The following PRRC2B variants were observed in gnomAD, a reference collection of about 807,000 sequenced individuals.
PRRC2B encodes protein PRRC2B.
PRRC2B carries 68 observed loss-of-function variants against 242.3 expected under a neutral mutation model. The observed-to-expected ratio is 0.28, with a 90% CI of 0.23 to 0.34. The LOEUF is 0.34. Ranked by LOEUF, PRRC2B falls within the 10% of genes least tolerant of loss-of-function variation. PRRC2B has a pLI of 1.00. For missense variants in PRRC2B, 2,835 were observed against 2,954.8 expected (o/e 0.96, Z 0.94); for synonymous variants, 1,228 against 1,173.6 (o/e 1.05, Z -0.95).
chr9:131,456,445 C>A (rs1266819812), intron 10 of PRRC2B, among the ~76,000 whole-genome samples: 1 of 151,768 alleles, frequency 6.6e-6, no homozygotes, highest in Non-Finnish European at 1.5e-5. Context: ...TCCTGGCTAA[C>A]ACAGTGAAAC....
chr9:131,388,840 CTTT>C (rs1315362492), intron 1 of PRRC2B, among the ~76,000 whole-genome samples: 1 of 121,120 alleles, frequency 8.3e-6, no homozygotes. Context: ...CTCCTTTTAC[CTTT>C]TTTTTTTTTT....
In PRRC2B at chr9:131,398,996, T is replaced by C. The variant is rs1837145038; in HGVS notation, c.-52+4733T>C. Among the ~76,000 whole-genome samples the C allele has an allele frequency of 2.7e-5, 4 of 149,684 alleles. No individual in the cohort carries two copies. The South Asian group carries it at 8.5e-4, about 32-fold the overall frequency. ...CTGTCTCAAAAGAATAAAAAGTAGG[T>C]CGGGCACGGTGGCTCACGCCTGTAA... On this transcript the variant is annotated intron_variant, in intron 1 of 31. Coordinates refer to ENST00000683519, the MANE Select transcript of PRRC2B (RefSeq NM_013318.4).
upstream of PRRC2B, among the ~76,000 whole-genome samples, chr9:131,393,126 G>A (rs1836933077): frequency 6.6e-6 from 1 of 152,056 alleles, no homozygotes; most frequent in South Asian, 2.1e-4. Flanking sequence ...GTGGCCTGGG[G>A]CACATTCTCT....
At position 131,459,259 on chromosome 9, in the gene PRRC2B, C is replaced by T. The variant is rs1943172415; in HGVS notation, c.1307C>T (p.Ala436Val). ...ACTCGAGAGGAAGGGAAGGACTGGG[C>T]TGAAGCAGTGGGTGCGTCCCGTGTG... The part of the protein sequence containing the change: ...KRTREEGKDW[A>V]EAVGASRVVR... Residue 436 changes from alanine to valine, a missense_variant, in exon 11 of 32, where the codon GCT becomes GTT. Ala to Val is a moderately conservative substitution (Grantham distance 64). Coordinates refer to ENST00000683519, the MANE Select transcript of PRRC2B (RefSeq NM_013318.4). The T allele has an allele frequency of 6.2e-7, 1 of 1,613,894 alleles. No homozygotes were observed. Among genetic ancestry groups the T allele is most frequent in the South Asian group, 1.1e-5 (1 of 91,084 alleles).
In PRRC2B at chr9:131,486,136, C is replaced by A. The variant is rs567562537; in HGVS notation, c.5810C>A (p.Pro1937His). Residue 1937 changes from proline to histidine, a missense_variant, in exon 26 of 32, where the codon CCC becomes CAC. By Grantham distance (77) the Pro-to-His change is moderately conservative (BLOSUM62 -2). This residue lies in a region of PRRC2B where 574 missense variants were observed against 626.0 expected (regional missense o/e 0.92). Coordinates refer to ENST00000683519, the MANE Select transcript of PRRC2B (RefSeq NM_013318.4). ...YLDGHVFASQ[P>H]RLVPQTIPQQ... is the part of the protein sequence containing the mutation. ...GATGGCCATGTGTTTGCAAGTCAGC[C>A]CCGGCTGGTTCCTCAAACGATACCT... 2 of 1,613,186 alleles carry A rather than the reference C, an allele frequency of 1.2e-6. No homozygotes were observed. The highest frequency in any genetic ancestry group is 1.7e-6 in the Non-Finnish European group (2 of 1,179,556).
rs546836248 is a variant in PRRC2B, at chr9:131,430,356, G to A, written c.115+97G>A. 602 of 679,092 alleles carry A rather than the reference G, an allele frequency of 8.9e-4. 3 individuals are homozygous for A. Among genetic ancestry groups the A allele is most frequent in the Middle Eastern group, 1.4e-3 (5 of 3,530 alleles). 42.1% of individuals were successfully genotyped at this position (679,092 alleles called of 1,614,324 possible). A position where few individuals can be genotyped will look rare whatever the true frequency, so the allele number is the denominator to read the frequency against. On this transcript the variant is annotated intron_variant, in intron 2 of 31. Transcript: ENST00000683519. ...TCACCTGGTTAGACAGATGTGGTCC[G>A]TGCACACCAGGCTTCTGGGTGTGCA...
intron 1 of PRRC2B, among the ~76,000 whole-genome samples, chr9:131,402,068 C>T (rs1249107986): frequency 6.6e-6 from 1 of 151,238 alleles, no homozygotes; most frequent in East Asian, 1.9e-4. Flanking sequence ...CTCCCGGGTT[C>T]AAGCGATTCT....
intron 14 of PRRC2B, among the ~76,000 whole-genome samples, chr9:131,472,617 C>T (rs1328545656): frequency 6.6e-6 from 1 of 151,758 alleles, no homozygotes; most frequent in Admixed American, 6.6e-5. Context: ...GCTGAGATTA[C>T]AGGCACCTGC....
chr9:131,411,755 T>C (rs1173721601), intron 1 of PRRC2B, among the ~76,000 whole-genome samples: 1 of 152,198 alleles, frequency 6.6e-6, no homozygotes, highest in East Asian at 1.9e-4. Context: ...TTATTATTTC[T>C]ACTTTCATCA....
At chr9:131,390,699 G>GTC (rs1169571814), upstream of PRRC2B, among the ~76,000 whole-genome samples, 1 of 150,294 alleles carries the variant, frequency 6.7e-6, no homozygotes, top group Admixed American at 6.7e-5. Flanking sequence ...AGCCAGGATG[G>GTC]TCTCGATCTC....
At chr9:131,416,905 C>A (rs1048128430) in intron 1 of PRRC2B, among the ~76,000 whole-genome samples, 1 of 152,048 alleles carries the variant, frequency 6.6e-6, no homozygotes, top group Non-Finnish European at 1.5e-5. Context: ...GGTGTGGTAT[C>A]TTCTCTTGAT....
intron 28 of PRRC2B, chr9:131,490,590 C>A (rs760687859): frequency 3.3e-5 from 17 of 519,098 alleles, no homozygotes; most frequent in Non-Finnish European, 3.8e-5. Context: ...GGCCCAGCCC[C>A]CCTACCCCAT....
At chr9:131,481,653 T>C (rs1943872432) in intron 19 of PRRC2B, 73 bp from the exon 20 acceptor site, 5 of 1,230,294 alleles carry the variant, frequency 4.1e-6, no homozygotes, top group Non-Finnish European at 2.3e-6. Context: ...CCTGTGCTTG[T>C]TCTTTAAGAG....
At chr9:131,442,592 C>A (rs569690756) in intron 5 of PRRC2B, among the ~76,000 whole-genome samples, 116 of 152,292 alleles carry the variant, frequency 7.6e-4, no homozygotes, top group Non-Finnish European at 1.4e-3. Flanking sequence ...GTGTGGTGAT[C>A]CAGCCGCGCC....
At chr9:131,420,872 A>G (rs2131310424) in intron 1 of PRRC2B, among the ~76,000 whole-genome samples, 1 of 152,186 alleles carries the variant, frequency 6.6e-6, no homozygotes, top group South Asian at 2.1e-4. Flanking sequence ...CGAGTGAGGC[A>G]GCAGAAGTGT....
chr9:131,397,864 C>T (rs576691682), intron 1 of PRRC2B, among the ~76,000 whole-genome samples: 2 of 152,264 alleles, frequency 1.3e-5, no homozygotes, highest in South Asian at 2.1e-4. Context: ...ACATTTCCAG[C>T]AGACAATGGG....
At chr9:131,397,613 C>G (rs1045930122) in intron 1 of PRRC2B, among the ~76,000 whole-genome samples, 23 of 125,566 alleles carry the variant, frequency 1.8e-4, no homozygotes, top group Admixed American at 6.7e-4. Context: ...ACTCATGTTG[C>G]TAATGGCTGT....
At chr9:131,460,630 C>A (rs1943215255) in intron 11 of PRRC2B, among the ~76,000 whole-genome samples, 1 of 152,160 alleles carries the variant, frequency 6.6e-6, no homozygotes, top group Non-Finnish European at 1.5e-5. Flanking sequence ...TGAGACTGAA[C>A]ATCTCGTTTT....
rs776594132 is a variant in PRRC2B at position 131,477,857 on chromosome 9, C to T, written c.4520C>T (p.Ser1507Phe). ...GCCAGTGCTGACCTTCCCGAAGCCT[C>T]CAGTAAAAAGGCAGAGAAGGAGGCC... is the stretch of plus-strand genomic sequence containing the variant. ...AHASADLPEA[S>F]SKKAEKEAKL... The change falls in exon 17 of 32, where the codon TCC becomes TTC. Residue 1507 changes from serine (S) to phenylalanine (F), a missense_variant. By Grantham distance (155) the Ser-to-Phe change is radical. Around this residue, in one of 7 missense-constraint regions of PRRC2B, gnomAD observed 1,536 missense variants for 1,483.1 expected, o/e 1.04. Transcript: ENST00000683519. The T allele has an allele frequency of 2.5e-6, 4 of 1,613,890 alleles. No individual in the cohort carries two copies. The highest frequency in any genetic ancestry group is 2.2e-5 in the South Asian group (2 of 91,078).
Sources: allele counts gnomAD v4.1 joint callset (sites outside exome capture counted in the v4.1 genomes callset), GRCh38; gene constraint gnomAD v4.1.1; regional missense constraint gnomAD v4.1.1; transcripts MANE v1.5; gene names NCBI Gene and HGNC (gene_info 2026-07-23, HGNC 2026-07-21).